PSPC1: variants seen among roughly 807,000 people sequenced by gnomAD.
PSPC1 encodes paraspeckle component 1.
In PSPC1, 14 loss-of-function variants were observed where a neutral mutation model predicts 51.6. The observed-to-expected ratio is 0.27, with a 90% CI of 0.18 to 0.42. The LOEUF is 0.42. PSPC1 is among the 10% of genes least tolerant of loss of function. PSPC1 has a pLI of 1.00. For missense variants in PSPC1, 406 were observed against 701.1 expected (o/e 0.58, Z 4.75); for synonymous variants, 193 against 231.9 (o/e 0.83, Z 1.53).
rs117218483 is a variant in PSPC1, at chr13:19,761,649, G to T, written c.675-2231C>A. Among the ~76,000 whole-genome samples, 5 of 152,338 alleles carry T rather than the reference G, an allele frequency of 3.3e-5. No homozygotes were observed. The East Asian group carries it at 9.6e-4, about 29-fold the overall frequency. On this transcript the variant is annotated intron_variant, in intron 2 of 8. Transcript: ENST00000338910. ...TAAAGCAGGTATGGAATATCATGGAGTGGTGGAATGAGATTATAGAAACCT... is the reference window on the plus strand; with the variant it reads ...TAAAGCAGGTATGGAATATCATGGATTGGTGGAATGAGATTATAGAAACCT...
intron 4 of PSPC1, among the ~76,000 whole-genome samples, chr13:19,743,969 G>A (rs1297842234): frequency 2.0e-5 from 3 of 152,022 alleles, no homozygotes; most frequent in Non-Finnish European, 2.9e-5. Context: ...TTAGCCAGGC[G>A]TGGTGGCGCA....
chr13:19,750,459 A>T (rs11618258), intron 4 of PSPC1, among the ~76,000 whole-genome samples: 2 of 148,436 alleles, frequency 1.3e-5, no homozygotes, highest in Non-Finnish European at 1.5e-5. Context: ...AACAAACAAA[A>T]ATATATATAT....
intron 6 of PSPC1, among the ~76,000 whole-genome samples, chr13:19,681,310 T>C (rs1877246027): frequency 6.6e-6 from 1 of 152,160 alleles, no homozygotes; most frequent in African/African-American, 2.4e-5. Context: ...TGTAACATTC[T>C]CCCAGCCTTT....
intron 1 of PSPC1, among the ~76,000 whole-genome samples, chr13:19,777,264 T>C (rs1357404065): frequency 2.7e-5 from 4 of 150,930 alleles, no homozygotes; most frequent in South Asian, 2.1e-4. Context: ...ACCCCATCTC[T>C]ACTAAAAATA....
intron 1 of PSPC1, among the ~76,000 whole-genome samples, chr13:19,781,220 C>G (rs1417392696): frequency 1.3e-5 from 2 of 151,982 alleles, no homozygotes; most frequent in African/African-American, 4.8e-5. Context: ...CTCTGTCGCC[C>G]AGGCTGGAGT....
intron 5 of PSPC1, among the ~76,000 whole-genome samples, chr13:19,739,204 C>T (rs1023008380): frequency 6.6e-6 from 1 of 152,102 alleles, no homozygotes; most frequent in African/African-American, 2.4e-5. Context: ...TGTTTTCTTC[C>T]CTACCCCCTT....
rs186042431 is a variant in PSPC1 at position 19,689,530 on chromosome 13, A to T, written c.1159-11707T>A. ...ATCATAATGTCAACTTGAACATTTT[A>T]AAAACCCTTTGCATACGCTGAATTA... On this transcript the variant is annotated intron_variant and NMD_transcript_variant, in intron 6 of 7. Transcript: ENST00000471658. Among the ~76,000 whole-genome samples, 23 of 152,332 alleles carry T rather than the reference A, an allele frequency of 1.5e-4. No individual in the cohort carries two copies. In the East Asian group the frequency reaches 4.4e-3, roughly 29 times the overall value.
At chr13:19,680,363 A>G (rs997727960) in intron 6 of PSPC1, among the ~76,000 whole-genome samples, 1 of 152,170 alleles carries the variant, frequency 6.6e-6, no homozygotes, top group Non-Finnish European at 1.5e-5. Flanking sequence ...CTTCTATTCA[A>G]TATTTGAAAA....
intron 6 of PSPC1, among the ~76,000 whole-genome samples, chr13:19,718,088 GT>G (rs1350651563): frequency 6.6e-6 from 1 of 152,026 alleles, no homozygotes; most frequent in Non-Finnish European, 1.5e-5. Flanking sequence ...AAAAATATAC[GT>G]TTCTATTGAT....
intron 7 of PSPC1, among the ~76,000 whole-genome samples, chr13:19,708,050 G>A (rs572543702): frequency 1.3e-5 from 2 of 152,228 alleles, no homozygotes; most frequent in Admixed American, 1.3e-4. Context: ...AGTTCTTTAT[G>A]GGCGAGGGCC....
At chr13:19,679,373 G>C (rs1439048184) in intron 6 of PSPC1, among the ~76,000 whole-genome samples, 1 of 152,172 alleles carries the variant, frequency 6.6e-6, no homozygotes, top group Non-Finnish European at 1.5e-5. Flanking sequence ...GTACATGCCT[G>C]TAGTCCCAAC....
intron 3 of PSPC1, among the ~76,000 whole-genome samples, chr13:19,752,685 G>C (rs1343490296): frequency 1.3e-5 from 2 of 151,646 alleles, no homozygotes; most frequent in Non-Finnish European, 1.5e-5. Context: ...TCCCGGGTTC[G>C]CACCATTCTC....
chr13:19,751,985 G>A (rs1886601278), intron 3 of PSPC1, among the ~76,000 whole-genome samples: 1 of 152,178 alleles, frequency 6.6e-6, no homozygotes, highest in Non-Finnish European at 1.5e-5. Context: ...ATGAACCCAG[G>A]AGGCAGAGCT....
intron 1 of PSPC1, among the ~76,000 whole-genome samples, chr13:19,777,900 C>T (rs541321669): frequency 4.5e-4 from 68 of 151,526 alleles, no homozygotes; most frequent in African/African-American, 1.5e-3. Flanking sequence ...GAGTCGAGAT[C>T]GCGCTACTGC....
chr13:19,780,332 CG>C (rs1889812218), intron 1 of PSPC1, among the ~76,000 whole-genome samples: 2 of 105,068 alleles, frequency 1.9e-5, no homozygotes, highest in South Asian at 3.9e-4. Flanking sequence ...TCATTGAGAA[CG>C]GGCCAGGATG....
chr13:19,771,084 G>C (rs1403628430), intron 2 of PSPC1, among the ~76,000 whole-genome samples: 1 of 151,738 alleles, frequency 6.6e-6, no homozygotes, highest in Admixed American at 6.6e-5. Context: ...GCAAATAGCT[G>C]AGACTACTGT....
intron 5 of PSPC1, among the ~76,000 whole-genome samples, chr13:19,741,283 C>A (rs181285664): frequency 6.6e-6 from 1 of 152,150 alleles, no homozygotes; most frequent in African/African-American, 2.4e-5. Flanking sequence ...ATATCCATCT[C>A]TGGAAAAATG....
chr13:19,732,806 A>G (rs1211205555), intron 5 of PSPC1, among the ~76,000 whole-genome samples: 1 of 152,110 alleles, frequency 6.6e-6, no homozygotes, highest in Non-Finnish European at 1.5e-5. Flanking sequence ...ACGTGCATGT[A>G]ATCCCAGCTA....
rs1170065914 is a variant in PSPC1, at chr13:19,702,847, G to C, written c.*328C>G. The stretch of plus-strand genomic sequence containing the variant: ...ACAGCAAAGTTTAGTAAGACCGTAA[G>C]AGAATACCACTAATAACAGTTTTAA... On this transcript the variant is annotated 3_prime_UTR_variant, in exon 9 of 9. Transcript: ENST00000338910. The C allele has an allele frequency of 5.6e-6, 1 of 180,048 alleles. No homozygotes were observed. Among genetic ancestry groups the C allele is most frequent in the Non-Finnish European group, 1.2e-5 (1 of 84,434 alleles). The allele number at this position is 180,048 out of a possible 1,614,324, so 11.2% of individuals were successfully genotyped here. A position where few individuals can be genotyped will look rare whatever the true frequency, so the allele number is the denominator to read the frequency against.
Sources: allele counts gnomAD v4.1 joint callset (sites outside exome capture counted in the v4.1 genomes callset), GRCh38; gene constraint gnomAD v4.1.1; transcripts MANE v1.5; gene names NCBI Gene and HGNC (gene_info 2026-07-23, HGNC 2026-07-21).